RBM47: variants seen among roughly 807,000 people sequenced by gnomAD.
RBM47 encodes RNA-binding protein 47.
Under a neutral mutation model 47.1 loss-of-function variants are expected in RBM47, and 21 were observed. The ratio of observed to expected loss-of-function variants is 0.45; its 90% CI spans 0.32 to 0.64. The LOEUF is 0.64. RBM47 is among the 30% of genes least tolerant of loss of function. The pLI is 0.05. For synonymous variants in RBM47, 375 were observed against 361.7 expected (o/e 1.04, Z -0.42); for missense variants, 708 against 870.9 (o/e 0.81, Z 2.35).
chr4:40,603,641 C>T (rs1735481394), intron 1 of RBM47, among the ~76,000 whole-genome samples: 1 of 151,684 alleles, frequency 6.6e-6, no homozygotes, highest in Non-Finnish European at 1.5e-5. Context: ...CTCATCCTGT[C>T]ACCCAGGCTT....
At chr4:40,514,197 C>T (rs940602750) in intron 2 of RBM47, among the ~76,000 whole-genome samples, 3 of 152,132 alleles carry the variant, frequency 2.0e-5, no homozygotes, top group African/African-American at 7.2e-5. Flanking sequence ...CATTGCCTCC[C>T]AGAAACACAG....
At chr4:40,557,601 T>A (rs1008057265) in intron 1 of RBM47, among the ~76,000 whole-genome samples, 1 of 152,032 alleles carries the variant, frequency 6.6e-6, no homozygotes, top group African/African-American at 2.4e-5. Context: ...ATCCAAAAAT[T>A]AGCTGGGCAT....
At position 40,423,708 on chromosome 4, in the gene RBM47, C is replaced by A. The variant is rs1560337368; in HGVS notation, c.*2196G>T. 1.7e-5 allele frequency: 1 copy of A among 59,274 alleles called. No individual in the cohort carries two copies. Among genetic ancestry groups the A allele is most frequent in the Non-Finnish European group, 2.9e-5 (1 of 33,972 alleles). The allele number at this position is 59,274 out of a possible 1,614,324, so 3.7% of individuals were successfully genotyped here. Reference sequence around the variant, plus strand: ...TCTTTCTTTCTTTCTTTCTTTCTTTCTTTCTTTTCTTTCTTTTCTTTCTTC... The same window carrying A: ...TCTTTCTTTCTTTCTTTCTTTCTTTATTTCTTTTCTTTCTTTTCTTTCTTC... On this transcript the variant is annotated 3_prime_UTR_variant, in exon 7 of 7. Transcript: ENST00000295971.
At chr4:40,620,730 C>T (rs971598309) in intron 1 of RBM47, among the ~76,000 whole-genome samples, 16 of 151,890 alleles carry the variant, frequency 1.1e-4, no homozygotes, top group Non-Finnish European at 8.8e-5. Flanking sequence ...GAAGGGTTTT[C>T]GCCATGTTGC....
At chr4:40,484,134 G>T (rs1451152820) in intron 2 of RBM47, among the ~76,000 whole-genome samples, 2 of 151,896 alleles carry the variant, frequency 1.3e-5, no homozygotes, top group Admixed American at 6.6e-5. Context: ...CTTTATGTAG[G>T]GTACAATTTC....
At chr4:40,564,325 T>C (rs541036397) in intron 1 of RBM47, among the ~76,000 whole-genome samples, 10 of 152,182 alleles carry the variant, frequency 6.6e-5, no homozygotes, top group Non-Finnish European at 1.5e-4. Context: ...CATCATATGA[T>C]AAAAATGGCA....
At chr4:40,551,643 ACTTTT>A (rs1206647578) in intron 1 of RBM47, among the ~76,000 whole-genome samples, 3 of 148,776 alleles carry the variant, frequency 2.0e-5, no homozygotes, top group Non-Finnish European at 3.0e-5. Flanking sequence ...CAAATAGCGT[ACTTTT>A]CTTTTTTTTT....
chr4:40,580,391 T>G (rs927739172), intron 1 of RBM47, among the ~76,000 whole-genome samples: 6 of 152,228 alleles, frequency 3.9e-5, no homozygotes, highest in African/African-American at 1.4e-4. Flanking sequence ...AACTCTCTTC[T>G]TCCTGGGTCT....
chr4:40,462,695 C>T (rs914563607), intron 3 of RBM47, among the ~76,000 whole-genome samples: 10 of 151,964 alleles, frequency 6.6e-5, no homozygotes, highest in African/African-American at 2.2e-4. Context: ...ATACTCATGT[C>T]GTTTTCTTAA....
chr4:40,568,881 T>C (rs996849792), intron 1 of RBM47, among the ~76,000 whole-genome samples: 4 of 151,734 alleles, frequency 2.6e-5, no homozygotes, highest in South Asian at 2.1e-4. Context: ...CTCGGGAGGC[T>C]GAGGCAGGAG....
chr4:40,472,853 T>G (rs548124692), intron 2 of RBM47, among the ~76,000 whole-genome samples: 20 of 152,288 alleles, frequency 1.3e-4, no homozygotes, highest in Non-Finnish European at 2.2e-4. Context: ...TCCCCTTTTA[T>G]AGTTTTTGCC....
chr4:40,460,310 G>C (rs144993065), intron 3 of RBM47, among the ~76,000 whole-genome samples: 206 of 152,104 alleles, frequency 1.4e-3, no homozygotes, highest in African/African-American at 4.7e-3. Context: ...ATGCCACAAG[G>C]AAATAGGCAC....
chr4:40,567,699 T>C (rs1220064093), intron 1 of RBM47, among the ~76,000 whole-genome samples: 1 of 151,974 alleles, frequency 6.6e-6, no homozygotes, highest in East Asian at 1.9e-4. Context: ...CAAAGAAATG[T>C]AGGGCTAGCC....
chr4:40,589,240 T>C (rs558589648), intron 1 of RBM47, among the ~76,000 whole-genome samples: 4 of 151,890 alleles, frequency 2.6e-5, no homozygotes, highest in African/African-American at 9.7e-5. Context: ...AGTCCTGGGA[T>C]TATAGGCGTG....
intron 1 of RBM47, among the ~76,000 whole-genome samples, chr4:40,573,785 G>GAA (rs1731988834): frequency 1.0e-5 from 1 of 98,288 alleles, no homozygotes; most frequent in African/African-American, 5.9e-5. Flanking sequence ...AAGAAAGAAA[G>GAA]AGAGAGAGAG....
chr4:40,504,046 G>T (rs907985174), intron 2 of RBM47, among the ~76,000 whole-genome samples: 2 of 152,032 alleles, frequency 1.3e-5, no homozygotes, highest in Non-Finnish European at 2.9e-5. Flanking sequence ...TAAGGAAATG[G>T]TATACCCTCT....
intron 2 of RBM47, among the ~76,000 whole-genome samples, chr4:40,536,525 G>A (rs1297391563): frequency 1.3e-5 from 2 of 152,110 alleles, no homozygotes; most frequent in Non-Finnish European, 2.9e-5. Context: ...CTGTTATTCT[G>A]CCAAAAGACA....
At chr4:40,622,353 T>C (rs915544844) in intron 1 of RBM47, among the ~76,000 whole-genome samples, 1 of 152,116 alleles carries the variant, frequency 6.6e-6, no homozygotes, top group Non-Finnish European at 1.5e-5. Context: ...CTGGGGATGA[T>C]GGTTCAGGCA....
intron 2 of RBM47, among the ~76,000 whole-genome samples, chr4:40,509,841 C>A (rs1298183851): frequency 6.6e-6 from 1 of 151,370 alleles, no homozygotes; most frequent in African/African-American, 2.4e-5. Context: ...GGAGATTGCG[C>A]CACTGCACTC....
Sources: gnomAD v4.1 joint callset for allele counts (sites outside exome capture counted in the v4.1 genomes callset) on GRCh38, gnomAD v4.1.1 for gene constraint, MANE v1.5 for transcripts, NCBI Gene and HGNC (gene_info 2026-07-23, HGNC 2026-07-21) for gene names.